POLD2: variants seen among roughly 807,000 people sequenced by gnomAD.
POLD2 encodes the protein DNA polymerase delta subunit 2.
A neutral mutation model predicts 48.8 loss-of-function variants in POLD2; 31 were observed. The observed-to-expected ratio is 0.64, with a 90% CI of 0.48 to 0.86. The LOEUF (loss-of-function observed/expected upper bound fraction) is 0.86, where lower values mean the gene tolerates loss of function less well. Ranked by LOEUF, POLD2 falls within the 40% of genes least tolerant of loss-of-function variation. The pLI, the probability that POLD2 is intolerant of heterozygous loss-of-function variation, is 0.00. For synonymous variants in POLD2, 233 were observed against 256.3 expected, an observed-to-expected ratio of 0.91 and a Z score of 0.87; for missense variants, 455 against 610.1, an observed-to-expected ratio of 0.75 and a Z score of 2.68.
chr7:44,121,682 C>G lies in POLD2; in HGVS notation c.220+152G>C. 1 of 771,454 alleles carries G rather than the reference C, an allele frequency of 1.3e-6. No individual in the cohort carries two copies. Among genetic ancestry groups the G allele is most frequent in the South Asian group, 1.9e-5 (1 of 53,006 alleles). 47.8% of individuals were successfully genotyped at this position (771,454 alleles called of 1,614,324 possible). On this transcript the variant is annotated intron_variant, in intron 2 of 10. Coordinates refer to ENST00000610533, the MANE Select transcript of POLD2 (RefSeq NM_006230.4). The surrounding 1 kb of genome is among the most constrained non-coding windows in gnomAD (Gnocchi z 4.5). ...AAATTACTTAATTTAATCCTTGTTA[C>G]TATCTTAAGAAGAAACTGAGGGAAA...
In POLD2 at chr7:44,115,093, G is replaced by C. The variant is rs1189906340; in HGVS notation, c.1250-148C>G. 2.3e-5 allele frequency: 20 copies of C among 861,112 alleles called. No individual in the cohort carries two copies. In the Admixed American group the frequency reaches 4.1e-4, roughly 18 times the overall value. The allele number at this position is 861,112 out of a possible 1,614,324, so 53.3% of individuals were successfully genotyped here. On this transcript the variant is annotated intron_variant, in intron 10 of 10. Coordinates refer to ENST00000610533, the MANE Select transcript of POLD2 (RefSeq NM_006230.4). ...GAGATTAGCCTTGAGAGGCACACAG[G>C]CTGGGAGCCGTTCCAGTCCCTGCCC... is the stretch of plus-strand genomic sequence containing the variant.
chr7:44,116,866 G>T lies in POLD2; in HGVS notation c.731C>A (p.Ala244Asp). Reference sequence around the variant, plus strand: ...GGTGCTGTGGCTGAGGAGGTTGCCAGCGAGGATAACCCGGGAGACGTGGGC... The same window carrying T: ...GGTGCTGTGGCTGAGGAGGTTGCCATCGAGGATAACCCGGGAGACGTGGGC... ...SAAHVSRVIL[A>D]GNLLSHSTQS... The change falls in exon 6 of 11, where the codon GCT becomes GAT. Residue 244 changes from alanine (A) to aspartate (D), a missense_variant. Ala to Asp is a moderately radical substitution (Grantham distance 126). Transcript: ENST00000610533. The surrounding 1 kb of genome is among the most constrained non-coding windows in gnomAD (Gnocchi z 6.1). 2 of 1,614,008 alleles carry T rather than the reference G, an allele frequency of 1.2e-6. No individual in the cohort carries two copies. Among genetic ancestry groups the T allele is most frequent in the Non-Finnish European group, 1.7e-6 (2 of 1,180,014 alleles).
intron 10 of POLD2, 107 bp downstream of exon 10, chr7:44,115,188 C>A: frequency 3.5e-6 from 3 of 864,220 alleles, no homozygotes; most frequent in East Asian, 4.9e-5. Flanking sequence ...GTCCATCCCA[C>A]AAGGGCCAGG....
At chr7:44,115,157 G>T in intron 10 of POLD2, 138 bp downstream of exon 10, 1 of 762,444 alleles carries the variant, frequency 1.3e-6, no homozygotes, top group Non-Finnish European at 2.2e-6. Context: ...TGAAATGGCA[G>T]CTGTGCAGAA....
At position 44,121,488 on chromosome 7, in the gene POLD2, G is replaced by A. The variant is rs1451237361; in HGVS notation, c.220+346C>T. On this transcript the variant is annotated intron_variant, in intron 2 of 10. Transcript: ENST00000610533. This position sits in a 1 kb window ranked among gnomAD's most constrained non-coding sequence, Gnocchi z 4.5. ...CTTGGCTCCTGGTGCCTGGCGCCAG[G>A]CTTGCCACACTGAGGGGCTCTCTGG... Among the ~76,000 whole-genome samples the A allele has an allele frequency of 6.6e-6, 1 of 152,160 alleles. No individual in the cohort carries two copies. Among genetic ancestry groups the A allele is most frequent in the Non-Finnish European group, 1.5e-5 (1 of 68,034 alleles).
At position 44,114,934 on chromosome 7, in the gene POLD2, G is replaced by C. The variant is rs1474788537; in HGVS notation, c.1261C>G (p.Gln421Glu). Reference protein sequence around the residue: ...GSKIIRGPEDQTVLLVTVPDF... With the variant: ...GSKIIRGPEDETVLLVTVPDF... ...GGGACAGTCACCAACAGCACTGTCT[G>C]GTCCTCAGGACCTGCAAAGAAGTCA... The change falls in exon 11 of 11, where the codon CAG (glutamine) becomes GAG (glutamate). Residue 421 changes from glutamine (Q) to glutamate (E), a missense_variant. Gln to Glu is a conservative substitution (Grantham distance 29). Coordinates refer to ENST00000610533, the MANE Select transcript of POLD2 (RefSeq NM_006230.4). The C allele has an allele frequency of 6.2e-7, 1 of 1,606,604 alleles. No homozygotes were observed. Among genetic ancestry groups the C allele is most frequent in the Non-Finnish European group, 8.5e-7 (1 of 1,174,222 alleles).
upstream of POLD2, chr7:44,123,640 T>C: frequency 1.4e-6 from 2 of 1,385,836 alleles, no homozygotes; most frequent in East Asian, 3.1e-5. Context: ...GCCCCGTCCG[T>C]CACCAGGCGC....
intron 2 of POLD2, among the ~76,000 whole-genome samples, chr7:44,118,865 G>A (rs562188972): frequency 4.6e-5 from 7 of 152,160 alleles, no homozygotes; most frequent in South Asian, 2.1e-4. Context: ...TTGTTACAGC[G>A]CCTACAGGAA....
chr7:44,118,018 C>T lies in POLD2; in HGVS notation c.267G>A (p.Glu89=), dbSNP rs1264485707. 2 of 1,614,100 alleles carry T rather than the reference C, an allele frequency of 1.2e-6. No individual in the cohort carries two copies. Among genetic ancestry groups the T allele is most frequent in the Admixed American group, 3.3e-5 (2 of 59,992 alleles). ...ACAGAGTGCCCACCACACAGCACTT[C>T]TCCTCAGGCTGCAGTTCACACAGCT... ...VKKLCELQPE[E]KCCVVGTLFK... is the part of the protein sequence containing the mutation. The change falls in exon 3 of 11, where the codon GAG becomes GAA. Residue 89 remains glutamate (E), a synonymous_variant. Transcript: ENST00000610533.
At chr7:44,118,405 T>C (rs948911951) in intron 2 of POLD2, 39 of 197,784 alleles carry the variant, frequency 2.0e-4, no homozygotes, top group Non-Finnish European at 9.2e-5. Flanking sequence ...GGAAGGACCC[T>C]CCCCTCGGGC....
intron 4 of POLD2, 85 bp downstream of exon 4, chr7:44,117,534 C>T (rs2096242084): frequency 6.6e-6 from 10 of 1,511,118 alleles, no homozygotes; most frequent in Admixed American, 2.0e-5. Context: ...CCACTCCCCC[C>T]AGGCTCCCCA....
chr7:44,117,898 G>T (rs778376999), intron 3 of POLD2, 45 bp downstream of exon 3: 2 of 1,606,856 alleles, frequency 1.2e-6, no homozygotes, highest in Non-Finnish European at 1.7e-6. Flanking sequence ...TCTAGTGGGA[G>T]GCCAGGTCTG....
chr7:44,116,504 A>G lies in POLD2; in HGVS notation c.787T>C (p.Tyr263His), dbSNP rs1205091361. Reference sequence around the variant, plus strand: ...GCTGCCTGGGTTTTCTTGGTGAGGTATTTGGCCTGGAATAGAAGCCCAGAA... The same window carrying G: ...GCTGCCTGGGTTTTCTTGGTGAGGTGTTTGGCCTGGAATAGAAGCCCAGAA... ...QSRDSINKAK[Y>H]LTKKTQAASV... The change falls in exon 7 of 11, where the codon TAC (tyrosine) becomes CAC (histidine). Residue 263 changes from tyrosine to histidine, a missense_variant. Physicochemically the swap from Tyr to His is moderately conservative, Grantham distance 83. This residue lies in a region of POLD2 where 349 missense variants were observed against 437.4 expected (regional missense o/e 0.80). Transcript: ENST00000610533. The surrounding 1 kb of genome is among the most constrained non-coding windows in gnomAD (Gnocchi z 6.1). The G allele has an allele frequency of 6.3e-7, 1 of 1,574,812 alleles. No homozygotes were observed. The highest frequency in any genetic ancestry group is 1.2e-5 in the South Asian group (1 of 85,832).
Position 44,114,797 on chromosome 7 carries a change from C to A in POLD2, c.1398G>T (p.Gly466=). The stretch of plus-strand genomic sequence containing the variant: ...CCACTTTTTTGAGTCAGGGGCCCAG[C>A]CCCAGGCCTCCCAGGTCATCGTCCT... ...GAEDDDLGGL[G]LGP Residue 466 remains glycine (G), a synonymous_variant, in exon 11 of 11, where the codon GGG becomes GGT. Coordinates refer to ENST00000610533, the MANE Select transcript of POLD2 (RefSeq NM_006230.4). 2 of 1,608,466 alleles carry A rather than the reference C, an allele frequency of 1.2e-6. No individual in the cohort carries two copies. The highest frequency in any genetic ancestry group is 1.1e-5 in the South Asian group (1 of 90,906).
Position 44,116,091 on chromosome 7 carries a change from C to T in POLD2, c.1019+24G>A. 6.2e-7 allele frequency: 1 copy of T among 1,613,318 alleles called. No homozygotes were observed. Among genetic ancestry groups the T allele is most frequent in the South Asian group, 1.1e-5 (1 of 91,048 alleles). On this transcript the variant is annotated intron_variant, in intron 8 of 10. Coordinates refer to ENST00000610533, the MANE Select transcript of POLD2 (RefSeq NM_006230.4). The surrounding 1 kb of genome is among the most constrained non-coding windows in gnomAD (Gnocchi z 6.1). ...TCCTGAGGCAAAAGGCTGGGTCAGA[C>T]TGAAGTGTGGCTGTGCCAGCTACCT...
chr7:44,122,979 A>G (rs1393552948), intron 1 of POLD2: 1 of 156,154 alleles, frequency 6.4e-6, no homozygotes, highest in Non-Finnish European at 1.4e-5. Flanking sequence ...GTCTTATGCC[A>G]CTAGCCACCT....
chr7:44,119,910 T>A (rs1204922871), intron 2 of POLD2, among the ~76,000 whole-genome samples: 2 of 152,164 alleles, frequency 1.3e-5, no homozygotes, highest in Non-Finnish European at 2.9e-5. Flanking sequence ...TGGCTTCAGG[T>A]GGCCCCTCAA....
chr7:44,117,501 A>G lies in POLD2; in HGVS notation c.466+118T>C, dbSNP rs564772980. 1.1e-4 allele frequency: 137 copies of G among 1,270,070 alleles called. 2 individuals are homozygous for G. In the Middle Eastern group the frequency reaches 6.3e-3, roughly 58 times the overall value. The allele number at this position is 1,270,070 out of a possible 1,614,324, so 78.7% of individuals were successfully genotyped here. A position where few individuals can be genotyped will look rare whatever the true frequency, so the allele number is the denominator to read the frequency against. ...GCCTCACCTACCTCCTCAAGAACAC[A>G]CGTGTGCCCAGGCCACACCCCCCCA... On this transcript the variant is annotated intron_variant, in intron 4 of 10. Coordinates refer to ENST00000610533, the MANE Select transcript of POLD2 (RefSeq NM_006230.4).
At chr7:44,122,265 G>A in intron 1 of POLD2, 156 bp from the exon 2 acceptor site, 3 of 1,421,906 alleles carry the variant, frequency 2.1e-6, no homozygotes, top group African/African-American at 2.9e-5. Flanking sequence ...TATCGTGCCT[G>A]GATACCGATG....
Sources: gnomAD v4.1 joint callset for allele counts (sites outside exome capture counted in the v4.1 genomes callset) on GRCh38, gnomAD v4.1.1 for gene constraint, gnomAD v4.1.1 regional missense constraint, Gnocchi (gnomAD v3.1) non-coding constraint, MANE v1.5 for transcripts, NCBI Gene and HGNC (gene_info 2026-07-23, HGNC 2026-07-21) for gene names.